The following COL4A5 variants were observed in gnomAD, a reference collection of about 807,000 sequenced individuals.
The protein encoded by COL4A5 is collagen type IV alpha 5 chain, also known as collagen alpha-5(IV) chain.
A neutral mutation model predicts 130.2 loss-of-function variants in COL4A5; 26 were observed. The observed-to-expected ratio is 0.20, with a 90% confidence interval of 0.15 to 0.28. The LOEUF (loss-of-function observed/expected upper bound fraction) is 0.28. Ranked by LOEUF, COL4A5 falls within the 10% of genes least tolerant of loss-of-function variation. The pLI, the probability that COL4A5 is intolerant of heterozygous loss-of-function variation, is 1.00. For missense variants in COL4A5, 1,131 were observed against 1,344.3 expected (o/e 0.84, Z 2.48); for synonymous variants, 496 against 439.6 (o/e 1.13, Z -1.60).
chrX:108,662,093 T>G (rs2067971143), intron 37 of COL4A5, among the ~76,000 whole-genome samples: 3 of 63,250 alleles, frequency 4.7e-5, no homozygotes, highest in South Asian at 1.7e-3. Context: ...CCCACAACAG[T>G]CCCCAGTGTG....
chrX:108,479,785 C>T (rs2064870919), intron 1 of COL4A5, among the ~76,000 whole-genome samples: 1 of 111,747 alleles, frequency 8.9e-6, no homozygotes, highest in Non-Finnish European at 1.9e-5. Context: ...GAAAAGCACC[C>T]AGTTTATGAC....
intron 36 of COL4A5, among the ~76,000 whole-genome samples, chrX:108,629,780 A>G (rs2067219410): frequency 9.0e-6 from 1 of 111,068 alleles, no homozygotes; most frequent in Non-Finnish European, 1.9e-5. Context: ...CATCATTTAC[A>G]TTAGGTATTT....
At chrX:108,623,547 G>A (rs1311453549) in intron 33 of COL4A5, among the ~76,000 whole-genome samples, 1 of 111,618 alleles carries the variant, frequency 9.0e-6, no homozygotes, top group Non-Finnish European at 1.9e-5. Context: ...AATCTATATA[G>A]AATAGCCTTT....
chrX:108,587,625 A>C (rs1219639988), intron 19 of COL4A5, among the ~76,000 whole-genome samples: 11 of 111,449 alleles, frequency 9.9e-5, no homozygotes, highest in Non-Finnish European at 9.4e-5. Flanking sequence ...TTTTCTTTTG[A>C]ATATATACCC....
rs2067082651 is a variant in COL4A5, at chrX:108,622,781, ATCT to A, written c.2877_2879del (p.Leu960del). On this transcript the variant is annotated inframe_deletion, in exon 33 of 53. Transcript: ENST00000328300. ...GGCCCTCCTGGACCAATGGATCCAA[ATCT>A]TCTGGGCTCAAAAGGAGAGAAGGGG... is the stretch of plus-strand genomic sequence containing the variant. The A allele has an allele frequency of 5.8e-6, 7 of 1,210,917 alleles. No individual in the cohort carries two copies. The highest frequency in any genetic ancestry group is 5.6e-6 in the Non-Finnish European group (5 of 894,910).
chrX:108,648,237 A>G (rs1245966507), intron 36 of COL4A5, among the ~76,000 whole-genome samples: 1 of 111,119 alleles, frequency 9.0e-6, no homozygotes, highest in African/African-American at 3.3e-5. Context: ...ACCAACAACA[A>G]GCAGCAAGCT....
At chrX:108,651,794 A>G (rs1281141691) in intron 36 of COL4A5, among the ~76,000 whole-genome samples, 1 of 111,521 alleles carries the variant, frequency 9.0e-6, no homozygotes, top group Non-Finnish European at 1.9e-5. Context: ...ATTGAATTTC[A>G]TGTGGCAGCT....
intron 1 of COL4A5, among the ~76,000 whole-genome samples, chrX:108,446,376 C>T (rs1208452602): frequency 8.9e-6 from 1 of 111,882 alleles, no homozygotes; most frequent in African/African-American, 3.2e-5. Context: ...ATTTGTTAGC[C>T]ATCGTAAGAA....
intron 3 of COL4A5, 76 bp from the exon 4 acceptor site, chrX:108,563,806 C>T (rs2065930970): frequency 5.9e-6 from 5 of 853,982 alleles, no homozygotes; most frequent in African/African-American, 2.0e-5. Flanking sequence ...GTTTAAATCT[C>T]CTATTTTATA....
chrX:108,459,153 A>AT lies in COL4A5; in HGVS notation c.81+18956dup, dbSNP rs773538873. On this transcript the variant is annotated intron_variant, in intron 1 of 52. Transcript: ENST00000328300. ...TTGTTGGTATATAGAAATACAACTG[A>AT]TTTTTTTTTCTATTGACCTGTACAC... is the stretch of plus-strand genomic sequence containing the variant. Among the ~76,000 whole-genome samples the AT allele has an allele frequency of 5.1e-3, 563 of 109,958 alleles. 5 individuals carry two copies. Among genetic ancestry groups the AT allele is most frequent in the Non-Finnish European group, 8.8e-3 (463 of 52,591 alleles).
rs984084699 is a variant in COL4A5 at position 108,482,034 on chromosome X, T to C, written c.81+41828T>C. Among the ~76,000 whole-genome samples, 8 of 111,262 alleles carry C rather than the reference T, an allele frequency of 7.2e-5. No individual in the cohort carries two copies. In the Admixed American group the frequency reaches 7.7e-4, roughly 11 times the overall value. ...AATCCATATTTCAGCTAACCAAGCATATAAACTGTTAGAACCATTTTTAAC... is the reference window on the plus strand; with the variant it reads ...AATCCATATTTCAGCTAACCAAGCACATAAACTGTTAGAACCATTTTTAAC... On this transcript the variant is annotated intron_variant, in intron 1 of 52. Transcript: ENST00000328300.
At chrX:108,583,117 C>A in intron 17 of COL4A5, among the ~76,000 whole-genome samples, 180 bp downstream of exon 17, 1 of 111,803 alleles carries the variant, frequency 8.9e-6, no homozygotes, top group Non-Finnish European at 1.9e-5. Context: ...AAATTTTATT[C>A]CATTGCCATA....
Position 108,586,674 on chromosome X carries a change from T to C in COL4A5, c.1092T>C (p.Pro364=), listed in dbSNP as rs1484901023. ...GAGAAAAAGGAAACATTGGGTTGCC[T>C]GGGTTGCCTGGAGAAAAAGGAGAGC... ...TIGEKGNIGL[P]GLPGEKGERG... The change falls in exon 19 of 53, where the codon CCT becomes CCC. Residue 364 remains proline, a synonymous_variant. Transcript: ENST00000328300. 2 of 1,206,539 alleles carry C rather than the reference T, an allele frequency of 1.7e-6. No individual in the cohort carries two copies. Among genetic ancestry groups the C allele is most frequent in the African/African-American group, 3.5e-5 (2 of 56,823 alleles).
chrX:108,446,022 G>C (rs1176575271), intron 1 of COL4A5, among the ~76,000 whole-genome samples: 1 of 111,102 alleles, frequency 9.0e-6, no homozygotes, highest in Admixed American at 9.6e-5. Flanking sequence ...GATATGTTAA[G>C]GTTTGGATGT....
intron 1 of COL4A5, among the ~76,000 whole-genome samples, chrX:108,464,783 C>T (rs1394558596): frequency 8.9e-6 from 1 of 112,108 alleles, no homozygotes; most frequent in Non-Finnish European, 1.9e-5. Context: ...GTTTTGCCTC[C>T]GCATTCCTTG....
In COL4A5 at chrX:108,586,704, A is replaced by T; in HGVS notation, c.1122A>T (p.Gly374=). The T allele has an allele frequency of 8.3e-7, 1 of 1,209,742 alleles. No individual in the cohort carries two copies. The highest frequency in any genetic ancestry group is 1.8e-5 in the South Asian group (1 of 56,923). The change falls in exon 19 of 53, where the codon GGA becomes GGT. Residue 374 remains glycine (G), a synonymous_variant. Transcript: ENST00000328300. ...TGCCTGGAGAAAAAGGAGAGCGAGGATTTCCTGGAATACAGGGTCCACCTG... is the reference window on the plus strand; with the variant it reads ...TGCCTGGAGAAAAAGGAGAGCGAGGTTTTCCTGGAATACAGGGTCCACCTG... ...PGLPGEKGER[G]FPGIQGPPGL...
chrX:108,632,643 T>C (rs1019226652), intron 36 of COL4A5, among the ~76,000 whole-genome samples: 1 of 110,338 alleles, frequency 9.1e-6, no homozygotes, highest in Non-Finnish European at 1.9e-5. Context: ...AAGATCAAGT[T>C]GGCTTCATCC....
In COL4A5 at chrX:108,440,085, T is replaced by A. The variant is rs1410267174; in HGVS notation, c.-41T>A. 1.6e-5 allele frequency: 17 copies of A among 1,092,995 alleles called. No individual in the cohort carries two copies. The highest frequency in any genetic ancestry group is 2.1e-5 in the Non-Finnish European group (17 of 792,404). 90.1% of individuals were successfully genotyped at this position (1,092,995 alleles called of 1,213,427 possible). A position where few individuals can be genotyped will look rare whatever the true frequency, so the allele number is the denominator to read the frequency against. Reference sequence around the variant, plus strand: ...TCAATTGGTTAGAGCCAGCCGGGAATTTCGTGCGGGTGCTGAAGGAGCTGC... The same window carrying A: ...TCAATTGGTTAGAGCCAGCCGGGAAATTCGTGCGGGTGCTGAAGGAGCTGC... On this transcript the variant is annotated 5_prime_UTR_variant, in exon 1 of 53. Coordinates refer to ENST00000328300, the MANE Select transcript of COL4A5 (RefSeq NM_033380.3).
chrX:108,513,550 G>T (rs975858672), intron 1 of COL4A5, among the ~76,000 whole-genome samples: 2 of 111,601 alleles, frequency 1.8e-5, no homozygotes, highest in Admixed American at 9.5e-5. Flanking sequence ...TGAGGAGTCT[G>T]TTAAAATCTT....
Sources: gnomAD v4.1 joint callset for allele counts (sites outside exome capture counted in the v4.1 genomes callset) on GRCh38, gnomAD v4.1.1 for gene constraint, MANE v1.5 for transcripts, NCBI Gene and HGNC (gene_info 2026-07-23, HGNC 2026-07-21) for gene names.